Variants in GIGYF2 observed in about 807,000 individuals in gnomAD.
GIGYF2 encodes GRB10 interacting GYF protein 2.
Under a neutral mutation model 208.1 loss-of-function variants are expected in GIGYF2, and 25 were observed. The ratio of observed to expected loss-of-function variants is 0.12; its 90% CI spans 0.09 to 0.17. The LOEUF is 0.17. GIGYF2 is among the 10% of genes least tolerant of loss of function. GIGYF2 has a pLI of 1.00. For missense variants in GIGYF2, 1,302 were observed against 1,579.4 expected (o/e 0.82, Z 2.98); for synonymous variants, 534 against 543.8 (o/e 0.98, Z 0.25).
chr2:232,844,704 G>A, intron 25 of GIGYF2, 130 bp downstream of exon 25: 1 of 701,788 alleles, frequency 1.4e-6, no homozygotes, highest in Non-Finnish European at 2.6e-6. Context: ...CTGTGTTCAA[G>A]CACATGCAGT....
chr2:232,839,588 C>G (rs544096362), intron 22 of GIGYF2, among the ~76,000 whole-genome samples: 1 of 152,034 alleles, frequency 6.6e-6, no homozygotes, highest in African/African-American at 2.4e-5. Flanking sequence ...TTGTTGTCAC[C>G]AAGAGGTAGA....
At chr2:232,788,641 T>C in intron 9 of GIGYF2, 1 of 464,606 alleles carries the variant, frequency 2.2e-6, no homozygotes, top group Non-Finnish European at 4.5e-6. Flanking sequence ...ATGTCTGATG[T>C]TGATTCTATT....
chr2:232,802,009 A>G (rs1309393328), intron 14 of GIGYF2, among the ~76,000 whole-genome samples: 3 of 152,138 alleles, frequency 2.0e-5, no homozygotes, highest in Non-Finnish European at 4.4e-5. Flanking sequence ...ATCCCGAAGT[A>G]TGTATTCTTT....
At chr2:232,711,556 A>T (rs186628251) in intron 2 of GIGYF2, among the ~76,000 whole-genome samples, 193 of 151,552 alleles carry the variant, frequency 1.3e-3, no homozygotes, top group African/African-American at 4.5e-3. Context: ...AAATTTGTTG[A>T]TAAAATTGGC....
chr2:232,857,311 A>C lies in GIGYF2; in HGVS notation c.*451A>C, dbSNP rs1322154280. The stretch of plus-strand genomic sequence containing the variant: ...CAATCATGAAGAGAGTTAATGGTTA[A>C]CAGACATTGGCCAATAACAAAACAC... On this transcript the variant is annotated 3_prime_UTR_variant, in exon 29 of 29. Transcript: ENST00000373563. 8.7e-6 allele frequency: 2 copies of C among 230,972 alleles called. No individual in the cohort carries two copies. The highest frequency in any genetic ancestry group is 1.7e-5 in the Non-Finnish European group (2 of 115,284). 14.3% of individuals were successfully genotyped at this position (230,972 alleles called of 1,614,324 possible).
intron 3 of GIGYF2, among the ~76,000 whole-genome samples, chr2:232,742,262 T>C (rs1697994515): frequency 6.6e-6 from 1 of 152,100 alleles, no homozygotes; most frequent in African/African-American, 2.4e-5. Context: ...GAATTGGGGC[T>C]GGGCGCAGTG....
intron 1 of GIGYF2, among the ~76,000 whole-genome samples, chr2:232,701,527 T>C (rs536485236): frequency 1.3e-5 from 2 of 151,440 alleles, no homozygotes; most frequent in Admixed American, 1.3e-4. Context: ...TCTCCCAGGC[T>C]CAAGCCATCC....
rs912758290 is a variant in GIGYF2, at chr2:232,836,280, A to C, written c.2766+3187A>C. Among the ~76,000 whole-genome samples, 5 of 4,092 alleles carry C rather than the reference A, an allele frequency of 1.2e-3. 1 individual carries two copies. The highest frequency in any genetic ancestry group is 4.3e-3 in the African/African-American group (5 of 1,150). The allele number at this position is 4,092 out of a possible 152,430, so 2.7% of individuals were successfully genotyped here. A position where few individuals can be genotyped will look rare whatever the true frequency, so the allele number is the denominator to read the frequency against. On this transcript the variant is annotated intron_variant, in intron 22 of 28. Transcript: ENST00000373563. The stretch of plus-strand genomic sequence containing the variant: ...CATCTCTACATATATATATATATAT[A>C]TATATATATATATATATATATATAT...
At chr2:232,775,689 C>A (rs1256071749) in intron 8 of GIGYF2, among the ~76,000 whole-genome samples, 1 of 152,138 alleles carries the variant, frequency 6.6e-6, no homozygotes, top group African/African-American at 2.4e-5. Flanking sequence ...ATTCATTCTA[C>A]TCATTGGGTT....
At chr2:232,704,150 G>A (rs1352957793) in intron 2 of GIGYF2, among the ~76,000 whole-genome samples, 1 of 152,148 alleles carries the variant, frequency 6.6e-6, no homozygotes, top group Non-Finnish European at 1.5e-5. Flanking sequence ...AGCACAGTTA[G>A]CTGAAAGGTC....
chr2:232,710,412 A>G (rs1403425283), intron 2 of GIGYF2, among the ~76,000 whole-genome samples: 2 of 152,164 alleles, frequency 1.3e-5, no homozygotes, highest in African/African-American at 2.4e-5. Context: ...TTGAATAGAC[A>G]TGTCAGTGAG....
chr2:232,729,683 C>G (rs572671415), intron 2 of GIGYF2: 3 of 837,108 alleles, frequency 3.6e-6, no homozygotes, highest in Non-Finnish European at 6.1e-6. Flanking sequence ...TTTAGATGAG[C>G]CCCAGACTAA....
intron 2 of GIGYF2, among the ~76,000 whole-genome samples, chr2:232,718,771 T>C (rs1421632888): frequency 1.3e-5 from 2 of 152,186 alleles, no homozygotes; most frequent in Non-Finnish European, 2.9e-5. Flanking sequence ...AACTACTGAT[T>C]CGTTTAGTAT....
intron 9 of GIGYF2, among the ~76,000 whole-genome samples, chr2:232,789,782 T>C (rs1457963834): frequency 6.6e-6 from 1 of 152,172 alleles, no homozygotes; most frequent in African/African-American, 2.4e-5. Context: ...CTGCTTTTCT[T>C]TTTAAGACTC....
intron 21 of GIGYF2, among the ~76,000 whole-genome samples, chr2:232,829,899 C>T (rs1224155974): frequency 3.3e-5 from 5 of 152,194 alleles, no homozygotes; most frequent in African/African-American, 1.2e-4. Context: ...TGACAGTAGA[C>T]AGTTGGCAGG....
intron 4 of GIGYF2, among the ~76,000 whole-genome samples, chr2:232,748,018 T>G (rs967536880): frequency 6.6e-6 from 1 of 152,228 alleles, no homozygotes; most frequent in Non-Finnish European, 1.5e-5. Flanking sequence ...CTTTCATGTC[T>G]ATTTGTATCC....
intron 8 of GIGYF2, among the ~76,000 whole-genome samples, chr2:232,786,160 A>G (rs1227409919): frequency 1.3e-5 from 2 of 152,210 alleles, no homozygotes; most frequent in East Asian, 3.8e-4. Context: ...GACATAGCTT[A>G]GCTTTAAATT....
chr2:232,805,119 T>TA (rs1273088277), intron 14 of GIGYF2, among the ~76,000 whole-genome samples: 1 of 152,204 alleles, frequency 6.6e-6, no homozygotes, highest in Non-Finnish European at 1.5e-5. Context: ...AATCTTTTTA[T>TA]GTTTGTTTTA....
In GIGYF2 at chr2:232,760,445, C is replaced by CT. The variant is rs778615767; in HGVS notation, c.380-34dup. 6.7e-6 allele frequency: 9 copies of CT among 1,350,422 alleles called. No homozygotes were observed. In the South Asian group the frequency reaches 1.1e-4, roughly 16 times the overall value. The allele number at this position is 1,350,422 out of a possible 1,614,324, so 83.7% of individuals were successfully genotyped here. ...GTGAATGTGTGCCACATGTTGACATCTGACTATCATTTTTTTCTGTTTTCT... is the reference window on the plus strand; with the variant it reads ...GTGAATGTGTGCCACATGTTGACATCTTGACTATCATTTTTTTCTGTTTTCT... On this transcript the variant is annotated intron_variant, in intron 6 of 28. Transcript: ENST00000373563.
Sources: allele counts gnomAD v4.1 joint callset (sites outside exome capture counted in the v4.1 genomes callset), GRCh38; gene constraint gnomAD v4.1.1; transcripts MANE v1.5; gene names NCBI Gene and HGNC (gene_info 2026-07-23, HGNC 2026-07-21).